The following RBM20 variants were observed in gnomAD, a reference collection of about 807,000 sequenced individuals.
RBM20 encodes RNA binding motif protein 20.
Under a neutral mutation model 110.1 loss-of-function variants are expected in RBM20, and 51 were observed. The ratio of observed to expected loss-of-function variants is 0.46; its 90% CI spans 0.37 to 0.59. RBM20 has a LOEUF of 0.59. Ranked by LOEUF, RBM20 falls within the 20% of genes least tolerant of loss-of-function variation. The pLI is 0.00. For missense variants in RBM20, 1,512 were observed against 1,574.9 expected (o/e 0.96, Z 0.68); for synonymous variants, 589 against 618.2 (o/e 0.95, Z 0.70).
chr10:110,701,419 G>A (rs913812022), intron 1 of RBM20, among the ~76,000 whole-genome samples: 5 of 151,986 alleles, frequency 3.3e-5, no homozygotes, highest in African/African-American at 7.3e-5. Flanking sequence ...AATGGTACTC[G>A]CATCAGCCTG....
intron 1 of RBM20, among the ~76,000 whole-genome samples, chr10:110,692,180 G>A (rs1862595029): frequency 6.6e-6 from 1 of 152,122 alleles, no homozygotes; most frequent in Non-Finnish European, 1.5e-5. Flanking sequence ...TTTGTAGTTA[G>A]TTTTGAAATC....
At chr10:110,659,300 C>G (rs1348112672) in intron 1 of RBM20, among the ~76,000 whole-genome samples, 10 of 152,182 alleles carry the variant, frequency 6.6e-5, no homozygotes. Context: ...TAAACTTCAG[C>G]TCTGCTCTGG....
chr10:110,814,131 C>T (rs1844809919), intron 9 of RBM20, among the ~76,000 whole-genome samples: 1 of 152,164 alleles, frequency 6.6e-6, no homozygotes, highest in Non-Finnish European at 1.5e-5. Context: ...ATACTAAGTG[C>T]AAATAAGGAA....
chr10:110,715,178 G>C, intron 1 of RBM20, among the ~76,000 whole-genome samples: 1 of 152,170 alleles, frequency 6.6e-6, no homozygotes, highest in East Asian at 1.9e-4. Flanking sequence ...AACCAGGGAG[G>C]CAGAGGCTGC....
At chr10:110,657,749 G>A (rs756724207) in intron 1 of RBM20, among the ~76,000 whole-genome samples, 1 of 152,168 alleles carries the variant, frequency 6.6e-6, no homozygotes, top group African/African-American at 2.4e-5. Context: ...GTTGTTTCCA[G>A]GTTTTGGCTA....
At chr10:110,720,022 T>A (rs1241294706) in intron 1 of RBM20, among the ~76,000 whole-genome samples, 2 of 152,050 alleles carry the variant, frequency 1.3e-5, no homozygotes, top group Non-Finnish European at 2.9e-5. Context: ...TACCCTCCTA[T>A]GGCAAGAGGG....
chr10:110,798,720 G>A (rs537935670), intron 6 of RBM20, among the ~76,000 whole-genome samples: 2 of 152,268 alleles, frequency 1.3e-5, no homozygotes, highest in East Asian at 1.9e-4. Context: ...TATGAGAGAA[G>A]GAAGAGAATG....
chr10:110,741,754 A>C (rs1389424307), intron 1 of RBM20, among the ~76,000 whole-genome samples: 1 of 137,826 alleles, frequency 7.3e-6, no homozygotes, highest in Non-Finnish European at 1.5e-5. Flanking sequence ...CTACTCTTTC[A>C]CCAAGCCTGA....
At chr10:110,698,447 T>C (rs1396556529) in intron 1 of RBM20, among the ~76,000 whole-genome samples, 1 of 152,196 alleles carries the variant, frequency 6.6e-6, no homozygotes, top group Non-Finnish European at 1.5e-5. Context: ...GCAGGAACCC[T>C]GCCTGTCCTT....
chr10:110,707,799 T>C (rs1336148087), intron 1 of RBM20, among the ~76,000 whole-genome samples: 2 of 152,118 alleles, frequency 1.3e-5, no homozygotes, highest in African/African-American at 4.8e-5. Context: ...GTACAAAATA[T>C]AGTAAGATAG....
At chr10:110,748,638 T>C (rs1843814517) in intron 1 of RBM20, among the ~76,000 whole-genome samples, 1 of 152,024 alleles carries the variant, frequency 6.6e-6, no homozygotes, top group Non-Finnish European at 1.5e-5. Flanking sequence ...CACTTACGAG[T>C]TGTTGTGTCC....
chr10:110,745,375 C>T (rs1384920219), intron 1 of RBM20, among the ~76,000 whole-genome samples: 3 of 152,092 alleles, frequency 2.0e-5, no homozygotes, highest in Non-Finnish European at 4.4e-5. Context: ...GCAGGGTGGT[C>T]GGAGAGGGAT....
At chr10:110,763,993 C>T (rs1346296654) in intron 1 of RBM20, among the ~76,000 whole-genome samples, 1 of 152,108 alleles carries the variant, frequency 6.6e-6, no homozygotes, top group Non-Finnish European at 1.5e-5. Context: ...TCCAGCATTA[C>T]CCTGGGGGCC....
chr10:110,646,859 T>G (rs1299893791), intron 1 of RBM20, among the ~76,000 whole-genome samples: 1 of 152,240 alleles, frequency 6.6e-6, no homozygotes, highest in African/African-American at 2.4e-5. Context: ...TGTCTGCCTG[T>G]TGATTTGGGG....
intron 9 of RBM20, among the ~76,000 whole-genome samples, chr10:110,816,126 G>T (rs903925035): frequency 1.3e-5 from 2 of 152,090 alleles, no homozygotes; most frequent in Admixed American, 6.5e-5. Context: ...TGCCCTCAGC[G>T]CCTTTACAGG....
rs557654580 is a variant in RBM20, at chr10:110,694,369, C to T, written c.191+49724C>T. 9.2e-5 allele frequency among the ~76,000 whole-genome samples: 14 copies of T among 152,314 alleles called. No homozygotes were observed. In the South Asian group the frequency reaches 2.9e-3, roughly 32 times the overall value. On this transcript the variant is annotated intron_variant, in intron 1 of 13. Coordinates refer to ENST00000369519, the MANE Select transcript of RBM20 (RefSeq NM_001134363.3). ...GTCCTATTAAAGAACTGAATTCATT[C>T]TCAGGCACTGCCATCTTTGTTGGGG...
chr10:110,671,491 A>C (rs1862257414), intron 1 of RBM20, among the ~76,000 whole-genome samples: 1 of 152,168 alleles, frequency 6.6e-6, no homozygotes, highest in African/African-American at 2.4e-5. Flanking sequence ...GACACTTGGC[A>C]TTTACCAGCT....
intron 1 of RBM20, among the ~76,000 whole-genome samples, chr10:110,712,200 A>C (rs948473812): frequency 6.6e-6 from 1 of 152,206 alleles, no homozygotes; most frequent in Non-Finnish European, 1.5e-5. Flanking sequence ...AGTTACAGTT[A>C]GTTAATTGTG....
chr10:110,705,691 A>G (rs951780367), intron 1 of RBM20, among the ~76,000 whole-genome samples: 4 of 152,256 alleles, frequency 2.6e-5, no homozygotes, highest in Non-Finnish European at 5.9e-5. Context: ...TTACATATAT[A>G]TTAATCTCAA....
Sources: gnomAD v4.1 joint callset for allele counts (sites outside exome capture counted in the v4.1 genomes callset) on GRCh38, gnomAD v4.1.1 for gene constraint, MANE v1.5 for transcripts, NCBI Gene and HGNC (gene_info 2026-07-23, HGNC 2026-07-21) for gene names.